CEP350: variants seen among roughly 807,000 people sequenced by gnomAD.
CEP350 encodes centrosomal protein 350, also known as centrosome-associated protein 350.
In CEP350, 126 loss-of-function variants were observed where a neutral mutation model predicts 331.8. The ratio of observed to expected loss-of-function variants is 0.38; its 90% confidence interval spans 0.33 to 0.44. The LOEUF is 0.44. Ranked by LOEUF, CEP350 falls within the 20% of genes least tolerant of loss-of-function variation. CEP350 has a pLI of 1.00. For synonymous variants in CEP350, 1,200 were observed against 1,259.5 expected (o/e 0.95, Z 1.00); for missense variants, 3,406 against 3,634.6 (o/e 0.94, Z 1.62).
chr1:179,969,502 T>C, intron 1 of CEP350: 1 of 464,502 alleles, frequency 2.2e-6, no homozygotes, highest in Non-Finnish European at 4.3e-6. Context: ...AAGCACTGAA[T>C]TGGCCTTAAG....
At chr1:180,029,362 C>T (rs780620181) in intron 14 of CEP350, among the ~76,000 whole-genome samples, 7 of 152,100 alleles carry the variant, frequency 4.6e-5, no homozygotes, top group East Asian at 1.9e-4. Context: ...GTGAATAAAG[C>T]GTTCTTACTA....
At chr1:180,016,140 G>A (rs1654956208) in intron 11 of CEP350, among the ~76,000 whole-genome samples, 170 bp downstream of exon 11, 1 of 152,168 alleles carries the variant, frequency 6.6e-6, no homozygotes, top group Non-Finnish European at 1.5e-5. Context: ...TGTACTTACT[G>A]TATACCCTAG....
chr1:180,105,947 C>T (rs983604871), intron 37 of CEP350, among the ~76,000 whole-genome samples: 1 of 152,124 alleles, frequency 6.6e-6, no homozygotes, highest in Non-Finnish European at 1.5e-5. Context: ...ACATAAAGGC[C>T]TCTGTTAGCC....
chr1:180,006,355 C>G (rs1006671315), intron 7 of CEP350, 99 bp from the exon 8 acceptor site: 4 of 663,864 alleles, frequency 6.0e-6, no homozygotes, highest in Admixed American at 2.4e-5. Context: ...TTCTCCCTAC[C>G]TGCAGCATAT....
chr1:180,026,615 TAAC>T (rs1392445784), intron 14 of CEP350, among the ~76,000 whole-genome samples: 1 of 152,258 alleles, frequency 6.6e-6, no homozygotes, highest in African/African-American at 2.4e-5. Flanking sequence ...CATTAAATAA[TAAC>T]TCCATTCTTC....
intron 37 of CEP350, among the ~76,000 whole-genome samples, chr1:180,109,922 A>G (rs1009353174): frequency 6.6e-6 from 1 of 152,246 alleles, no homozygotes; most frequent in Admixed American, 6.5e-5. Context: ...GGCGTGAGCC[A>G]CCGCACCCAG....
Position 180,024,438 on chromosome 1 carries a change from G to A in CEP350, c.3406G>A (p.Glu1136Lys), listed in dbSNP as rs752330425. The change falls in exon 14 of 38, where the codon GAG (glutamate) becomes AAG (lysine). Residue 1136 changes from glutamate (E) to lysine (K), a missense_variant. Physicochemically the swap from Glu to Lys is moderately conservative, Grantham distance 56. Around this residue, in one of 5 missense-constraint regions of CEP350, gnomAD observed 1,857 missense variants for 1,909.2 expected, o/e 0.97. Coordinates refer to ENST00000367607, the MANE Select transcript of CEP350 (RefSeq NM_014810.5). ...LEPHSTLSPQEDHSNRKSAYD... is the reference protein window; with the variant it reads ...LEPHSTLSPQKDHSNRKSAYD... ...TGACAGTAGCACTTTAAGCCCTCAG[G>A]AGGACCATTCTAACAGAAAGTCTGC... 6.2e-7 allele frequency: 1 copy of A among 1,611,772 alleles called. No individual in the cohort carries two copies.
chr1:180,113,482 T>C lies in CEP350; in HGVS notation c.*2321T>C, dbSNP rs1661546678. The C allele has an allele frequency of 6.6e-6, 1 of 152,142 alleles. No individual in the cohort carries two copies. Among genetic ancestry groups the C allele is most frequent in the Non-Finnish European group, 1.5e-5 (1 of 68,016 alleles). 9.4% of individuals were successfully genotyped at this position (152,142 alleles called of 1,614,324 possible). On this transcript the variant is annotated 3_prime_UTR_variant, in exon 38 of 38. Transcript: ENST00000367607. ...CCTGACAGACTCCAACTGTCTTTAC[T>C]ATCTGAAGAATCCTAGGCTCCACAT...
intron 18 of CEP350, among the ~76,000 whole-genome samples, chr1:180,041,452 G>A (rs1656753229): frequency 6.6e-6 from 1 of 152,076 alleles, no homozygotes. Flanking sequence ...TCCAGTTTAG[G>A]GAAGTGGCAA....
chr1:180,023,748 A>G (rs1655490518), intron 13 of CEP350, among the ~76,000 whole-genome samples: 1 of 152,222 alleles, frequency 6.6e-6, no homozygotes, highest in Admixed American at 6.5e-5. Context: ...AGTGAATCAG[A>G]CTTCGTTGGA....
At chr1:179,965,615 C>CTTTT (rs747027286) in intron 1 of CEP350, among the ~76,000 whole-genome samples, 144 of 84,382 alleles carry the variant, frequency 1.7e-3, no homozygotes, top group African/African-American at 2.0e-3. Flanking sequence ...TTTTTCTTTT[C>CTTTT]TTTTTTTTTT....
At position 180,095,454 on chromosome 1, in the gene CEP350, T is replaced by C. The variant is rs575287550; in HGVS notation, c.8512-69T>C. 9 of 1,508,248 alleles carry C rather than the reference T, an allele frequency of 6.0e-6. 1 individual carries two copies. In the South Asian group the frequency reaches 1.2e-4, roughly 20 times the overall value. 93.4% of individuals were successfully genotyped at this position (1,508,248 alleles called of 1,614,324 possible). A position where few individuals can be genotyped will look rare whatever the true frequency, so the allele number is the denominator to read the frequency against. ...ATATATAAATAATGCATTTACTCTG[T>C]CTTTTTTTAAAAAAAAATGATATGA... On this transcript the variant is annotated intron_variant, in intron 34 of 37. Transcript: ENST00000367607.
intron 8 of CEP350, among the ~76,000 whole-genome samples, chr1:180,007,221 C>T (rs1417719720): frequency 6.6e-6 from 1 of 152,200 alleles, no homozygotes; most frequent in Non-Finnish European, 1.5e-5. Flanking sequence ...TTTATACTCC[C>T]ACCAACAGTG....
At chr1:180,057,159 C>T (rs1222841372) in intron 25 of CEP350, among the ~76,000 whole-genome samples, 2 of 149,370 alleles carry the variant, frequency 1.3e-5, no homozygotes, top group East Asian at 2.0e-4. Context: ...AGTGCAATGG[C>T]GCGATCTTGG....
chr1:180,042,558 A>G (rs1377167325), intron 19 of CEP350, among the ~76,000 whole-genome samples: 2 of 152,206 alleles, frequency 1.3e-5, no homozygotes, highest in Non-Finnish European at 2.9e-5. Flanking sequence ...GAAAATTAAA[A>G]TGTAGACAAC....
rs1281457987 is a variant in CEP350, at chr1:180,041,647, C to T, written c.4222-15C>T. On this transcript the variant is annotated splice_polypyrimidine_tract_variant and intron_variant, in intron 18 of 37. Coordinates refer to ENST00000367607, the MANE Select transcript of CEP350 (RefSeq NM_014810.5). The stretch of plus-strand genomic sequence containing the variant: ...TTAAAACATAACTTCTTTTTTAAAC[C>T]CCTTTTATTTAAAGGTCCATGCAGA... 6.3e-7 allele frequency: 1 copy of T among 1,593,770 alleles called. No homozygotes were observed. Among genetic ancestry groups the T allele is most frequent in the African/African-American group, 1.4e-5 (1 of 73,878 alleles).
intron 5 of CEP350, among the ~76,000 whole-genome samples, chr1:179,993,681 G>A (rs1442187651): frequency 6.6e-6 from 1 of 151,986 alleles, no homozygotes; most frequent in African/African-American, 2.4e-5. Context: ...GGGCTCAAGT[G>A]TTCTGTCTGC....
chr1:180,064,180 A>G (rs547105518), intron 26 of CEP350, among the ~76,000 whole-genome samples: 25 of 152,132 alleles, frequency 1.6e-4, no homozygotes, highest in African/African-American at 5.5e-4. Context: ...TGGTAAGGCC[A>G]TCCTCACTGT....
Position 180,111,172 on chromosome 1 carries a change from A to G in CEP350, c.*11A>G, listed in dbSNP as rs1342726764. The G allele has an allele frequency of 3.7e-6, 6 of 1,613,262 alleles. No individual in the cohort carries two copies. The African/African-American group carries it at 8.0e-5, about 22-fold the overall frequency. Reference sequence around the variant, plus strand: ...ATGCTACTTGTGTGACATCTTGCAAATAAATCGAACGCTGAGTGCTAATGT... The same window carrying G: ...ATGCTACTTGTGTGACATCTTGCAAGTAAATCGAACGCTGAGTGCTAATGT... On this transcript the variant is annotated 3_prime_UTR_variant, in exon 38 of 38. Transcript: ENST00000367607.
Sources: allele counts gnomAD v4.1 joint callset (sites outside exome capture counted in the v4.1 genomes callset), GRCh38; gene constraint gnomAD v4.1.1; regional missense constraint gnomAD v4.1.1; transcripts MANE v1.5; gene names NCBI Gene and HGNC (gene_info 2026-07-23, HGNC 2026-07-21).